The following KCP variants were observed in gnomAD, a reference collection of about 807,000 sequenced individuals.
KCP encodes the protein kielin cysteine rich BMP regulator.
Under a neutral mutation model 212.7 loss-of-function variants are expected in KCP, and 194 were observed. That is an observed-to-expected ratio of 0.91 (90% CI 0.81 to 1.03). The LOEUF is 1.03. KCP is among the 50% of genes least tolerant of loss of function. The probability of loss-of-function intolerance (pLI) is 0.00; values close to 1 mark genes in which losing one functional copy is unlikely to be tolerated. For missense variants in KCP, 2,080 were observed against 2,162.5 expected, an observed-to-expected ratio of 0.96 and a Z score of 0.76; for synonymous variants, 833 against 865.3, an observed-to-expected ratio of 0.96 and a Z score of 0.65.
rs188986083 is a variant in KCP, at chr7:128,893,372, G to A, written c.1185+19C>T. On this transcript the variant is annotated intron_variant, in intron 12 of 39. Coordinates refer to ENST00000610776, the MANE Select transcript of KCP (RefSeq NM_001366122.1). ...GAAGGAATGAGGCAGATCTGGGTGT[G>A]AGCGGAGGGACCGCCTACCTGGCAG... 4.5e-6 allele frequency: 7 copies of A among 1,551,552 alleles called. No homozygotes were observed. In the East Asian group the frequency reaches 1.7e-4, roughly 38 times the overall value.
intron 27 of KCP, 101 bp downstream of exon 27, chr7:128,884,996 C>T: frequency 6.6e-7 from 1 of 1,517,414 alleles, no homozygotes; most frequent in Non-Finnish European, 8.9e-7. Context: ...GAGGCCACTT[C>T]TCCAACTGCC....
chr7:128,880,571 T>C (rs919299945), intron 33 of KCP, 43 bp from the exon 34 acceptor site: 1 of 1,369,884 alleles, frequency 7.3e-7, no homozygotes, highest in Non-Finnish European at 9.5e-7. Flanking sequence ...TCCTCCCACA[T>C]GCCCAGAAGG....
At chr7:128,878,531 C>T (rs766255709) in intron 38 of KCP, 27 bp downstream of exon 38, 26 of 1,544,878 alleles carry the variant, frequency 1.7e-5, no homozygotes, top group South Asian at 1.1e-4. Context: ...TCCCCTAATC[C>T]CCATCCCCGG....
Position 128,879,610 on chromosome 7 carries a change from G to A in KCP, c.4058C>T (p.Pro1353Leu), listed in dbSNP as rs751817908. The A allele has an allele frequency of 7.2e-5, 111 of 1,550,424 alleles. No individual in the cohort carries two copies. Among genetic ancestry groups the A allele is most frequent in the African/African-American group, 9.6e-5 (7 of 73,036 alleles). Residue 1353 changes from proline to leucine, a missense_variant, in exon 37 of 40, where the codon CCG becomes CTG. By Grantham distance (98) the Pro-to-Leu change is moderately conservative. Transcript: ENST00000610776. Reference protein sequence around the residue: ...QDGAVTVDGHPVALPFLQEPL... With the variant: ...QDGAVTVDGHLVALPFLQEPL... ...CTCCTGCAGGAAGGGCAAGGCCACC[G>A]GGTGCCCATCCACCTGGAGGATAAA...
At position 128,877,019 on chromosome 7, in the gene KCP, A is replaced by G; in HGVS notation, c.*24T>C. On this transcript the variant is annotated 3_prime_UTR_variant, in exon 40 of 40. Transcript: ENST00000610776. ...CAAGGGGAGACTCCTGGCCTGATGAACCCTTATCAGGCACTGTCCTGGCTC... is the reference window on the plus strand; with the variant it reads ...CAAGGGGAGACTCCTGGCCTGATGAGCCCTTATCAGGCACTGTCCTGGCTC... The G allele has an allele frequency of 1.3e-6, 2 of 1,535,944 alleles. No individual in the cohort carries two copies. The highest frequency in any genetic ancestry group is 1.7e-6 in the Non-Finnish European group (2 of 1,142,990).
At chr7:128,883,955 G>T in intron 29 of KCP, 47 bp downstream of exon 29, 2 of 1,518,218 alleles carry the variant, frequency 1.3e-6, no homozygotes, top group Non-Finnish European at 1.8e-6. Context: ...GCAGGGGGTG[G>T]CAGCCCTAAC....
At position 128,893,442 on chromosome 7, in the gene KCP, C is replaced by T. The variant is rs902336022; in HGVS notation, c.1134G>A (p.Gln378=). 5 of 1,551,506 alleles carry T rather than the reference C, an allele frequency of 3.2e-6. No homozygotes were observed. The highest frequency in any genetic ancestry group is 4.4e-6 in the Non-Finnish European group (5 of 1,146,950). Residue 378 remains glutamine (Q), a synonymous_variant, in exon 12 of 40, where the codon CAG becomes CAA. Coordinates refer to ENST00000610776, the MANE Select transcript of KCP (RefSeq NM_001366122.1). Reference sequence around the variant, plus strand: ...CCCGCTCTTGGAGTCTGAAGGTCTCCTGGCTCTGATACTGGTGTCCCTGGT... The same window carrying T: ...CCCGCTCTTGGAGTCTGAAGGTCTCTTGGCTCTGATACTGGTGTCCCTGGT... ...CEYQGHQYQS[Q]ETFRLQERGL...
Position 128,880,045 on chromosome 7 carries a change from C to T in KCP, c.3800G>A (p.Arg1267His), listed in dbSNP as rs747773243. Residue 1267 changes from arginine to histidine, a missense_variant, in exon 35 of 40, where the codon CGC (arginine) becomes CAC (histidine). By Grantham distance (29) the Arg-to-His change is conservative. Transcript: ENST00000610776. ...GCAGGAAGCGGGCCGAGGCAGGCAG[C>T]GGGGGCAGCAGCTGCCAGGACTCAG... ...PALSPGSCCP[R>H]CLPRPASCMA... is the part of the protein sequence containing the mutation. The T allele has an allele frequency of 1.8e-4, 273 of 1,547,432 alleles. No individual in the cohort carries two copies. The highest frequency in any genetic ancestry group is 2.3e-4 in the Non-Finnish European group (258 of 1,146,210).
intron 5 of KCP, chr7:128,904,500 A>C (rs1199750455): frequency 1.3e-6 from 1 of 772,236 alleles, no homozygotes; most frequent in African/African-American, 1.7e-5. Flanking sequence ...GAGCTGGCTT[A>C]CTCTGCAGGC....
At chr7:128,880,134 C>T in intron 34 of KCP, 49 bp from the exon 35 acceptor site, 1 of 1,472,966 alleles carries the variant, frequency 6.8e-7, no homozygotes. Context: ...CCCCGCCATG[C>T]CTCTCGCAGA....
At chr7:128,902,964 C>G in intron 7 of KCP, 105 bp from the exon 8 acceptor site, 3 of 851,580 alleles carry the variant, frequency 3.5e-6, no homozygotes, top group Non-Finnish European at 5.7e-6. Flanking sequence ...AGGGCTCTCT[C>G]CCGAGCCAAG....
intron 8 of KCP, among the ~76,000 whole-genome samples, chr7:128,896,930 G>A (rs1416564617): frequency 6.9e-6 from 1 of 145,078 alleles, no homozygotes; most frequent in Non-Finnish European, 1.5e-5. Flanking sequence ...CTTCTCTACC[G>A]ATACACAGCC....
chr7:128,891,380 C>T (rs1794121077), intron 18 of KCP, 71 bp downstream of exon 18: 1 of 1,544,362 alleles, frequency 6.5e-7, no homozygotes, highest in African/African-American at 1.4e-5. Context: ...CCCACCTGGG[C>T]GGGCCTCTCC....
At position 128,891,477 on chromosome 7, in the gene KCP, C is replaced by T. The variant is rs1277855253; in HGVS notation, c.1852G>A (p.Asp618Asn). The T allele has an allele frequency of 7.1e-6, 11 of 1,550,428 alleles. No homozygotes were observed. The highest frequency in any genetic ancestry group is 9.6e-6 in the Non-Finnish European group (11 of 1,146,780). Residue 618 changes from aspartate (D) to asparagine (N), a missense_variant, in exon 18 of 40, where the codon GAC becomes AAC. Coordinates refer to ENST00000610776, the MANE Select transcript of KCP (RefSeq NM_001366122.1). Reference protein sequence around the residue: ...PSGADFPHPSDPCRLCRCLSG... With the variant: ...PSGADFPHPSNPCRLCRCLSG... The stretch of plus-strand genomic sequence containing the variant: ...AGACAGCGACACAGACGGCAGGGGT[C>T]AGAGGGGTGGGGGAAGTCCGCTCCG...
At chr7:128,878,525 C>G in intron 38 of KCP, 33 bp downstream of exon 38, 1 of 1,542,844 alleles carries the variant, frequency 6.5e-7, no homozygotes, top group South Asian at 1.2e-5. Context: ...TGCGTCTCCC[C>G]TAATCCCCAT....
rs755841614 is a variant in KCP, at chr7:128,893,815, C to A, written c.1090G>T (p.Val364Phe). 1.9e-6 allele frequency: 3 copies of A among 1,550,894 alleles called. No individual in the cohort carries two copies. The highest frequency in any genetic ancestry group is 2.4e-5 in the South Asian group (2 of 84,062). ...PGKIPGQCCP[V>F]CDGCEYQGHQ... is the part of the protein sequence containing the mutation. ...CCCGGCCCCCACTCACCATCGCAGA[C>A]AGGGCAGCACTGCCCAGGGATCTTG... Residue 364 changes from valine (V) to phenylalanine (F), a missense_variant, in exon 11 of 40, where the codon GTC (valine) becomes TTC (phenylalanine). Transcript: ENST00000610776.
At position 128,887,824 on chromosome 7, in the gene KCP, T is replaced by C. The variant is rs1231901383; in HGVS notation, c.2513-524A>G. ...ACACATACCCATATACACAGCCACA[T>C]ACACACACACACACACACATACACA... On this transcript the variant is annotated intron_variant, in intron 22 of 39. Transcript: ENST00000610776. Among the ~76,000 whole-genome samples the C allele has an allele frequency of 3.7e-4, 48 of 128,826 alleles. 1 individual carries two copies. In the South Asian group the frequency reaches 8.9e-3, roughly 24 times the overall value. The allele number at this position is 128,826 out of a possible 152,430, so 84.5% of individuals were successfully genotyped here.
At chr7:128,887,369 G>T in intron 22 of KCP, 69 bp from the exon 23 acceptor site, 1 of 1,128,612 alleles carries the variant, frequency 8.9e-7, no homozygotes, top group Non-Finnish European at 1.3e-6. Context: ...CACACACACA[G>T]CCCCTCCCCC....
At chr7:128,890,591 C>A in intron 20 of KCP, 78 bp from the exon 21 acceptor site, 1 of 675,816 alleles carries the variant, frequency 1.5e-6, no homozygotes, top group Non-Finnish European at 1.8e-6. Context: ...GGTTGAGGGG[C>A]GTGGAGGACG....
Sources: allele counts gnomAD v4.1 joint callset (sites outside exome capture counted in the v4.1 genomes callset), GRCh38; gene constraint gnomAD v4.1.1; transcripts MANE v1.5; gene names NCBI Gene and HGNC (gene_info 2026-07-23, HGNC 2026-07-21).